Variants in TPRG1 observed in about 807,000 individuals in gnomAD.
TPRG1 encodes the protein tumor protein p63 regulated 1.
Under a neutral mutation model 29.3 loss-of-function variants are expected in TPRG1, and 29 were observed. That is an observed-to-expected ratio of 0.99 (90% CI 0.74 to 1.35). The LOEUF (loss-of-function observed/expected upper bound fraction) is 1.35. Ranked by LOEUF, TPRG1 falls within the 40% of genes most tolerant of loss-of-function variation. TPRG1 has a pLI of 0.00. For synonymous variants in TPRG1, 130 were observed against 116.8 expected (o/e 1.11, Z -0.73); for missense variants, 327 against 335.0 (o/e 0.98, Z 0.19).
chr3:189,046,956 A>T (rs919250461), intron 4 of TPRG1, among the ~76,000 whole-genome samples: 1 of 152,216 alleles, frequency 6.6e-6, no homozygotes, highest in African/African-American at 2.4e-5. Flanking sequence ...TTCTCACTGA[A>T]CGCAGAGGGG....
chr3:189,054,032 G>A (rs908689211), intron 4 of TPRG1, among the ~76,000 whole-genome samples: 1 of 152,056 alleles, frequency 6.6e-6, no homozygotes, highest in Non-Finnish European at 1.5e-5. Context: ...GGGGTAAGAC[G>A]CTCAGCTTTC....
At chr3:189,300,656 C>G (rs539005320) in intron 4 of TPRG1, among the ~76,000 whole-genome samples, 1 of 152,276 alleles carries the variant, frequency 6.6e-6, no homozygotes, top group South Asian at 2.1e-4. Context: ...CAGAGCTAGA[C>G]CAGATAAGCT....
At chr3:189,239,504 G>A (rs1005815187) in intron 4 of TPRG1, among the ~76,000 whole-genome samples, 4 of 152,118 alleles carry the variant, frequency 2.6e-5, no homozygotes, top group Non-Finnish European at 5.9e-5. Context: ...CTAATGTAAG[G>A]AAGAAAGAGC....
intron 4 of TPRG1, among the ~76,000 whole-genome samples, chr3:189,263,984 T>C (rs1713597030): frequency 6.6e-6 from 1 of 152,214 alleles, no homozygotes; most frequent in Admixed American, 6.5e-5. Flanking sequence ...TCATTAGCTC[T>C]GATCAAGAAT....
chr3:189,217,563 A>T (rs1431995265), intron 3 of TPRG1, among the ~76,000 whole-genome samples: 2 of 152,112 alleles, frequency 1.3e-5, no homozygotes, highest in African/African-American at 2.4e-5. Flanking sequence ...CCTCTTCCCC[A>T]TTAAAACCTA....
chr3:189,272,005 C>G (rs74588294), intron 4 of TPRG1, among the ~76,000 whole-genome samples: 2 of 152,126 alleles, frequency 1.3e-5, no homozygotes, highest in African/African-American at 4.8e-5. Context: ...CTTTCCTATA[C>G]GCGCTGATGC....
At chr3:189,231,265 C>CATATATATATATATATATATATAT (rs149177739) in intron 3 of TPRG1, among the ~76,000 whole-genome samples, 137 of 144,250 alleles carry the variant, frequency 9.5e-4, no homozygotes, top group African/African-American at 3.4e-3. Context: ...ACCTATAAAA[C>CATATATATATATATATATATATAT]ATATATATAT....
intron 4 of TPRG1, among the ~76,000 whole-genome samples, chr3:189,268,807 A>G (rs1181390766): frequency 6.6e-6 from 1 of 152,234 alleles, no homozygotes; most frequent in African/African-American, 2.4e-5. Context: ...TCTCCAAAAA[A>G]GAGCTGAATC....
At chr3:189,084,243 G>C (rs1319500915) in intron 4 of TPRG1, among the ~76,000 whole-genome samples, 1 of 152,114 alleles carries the variant, frequency 6.6e-6, no homozygotes, top group Non-Finnish European at 1.5e-5. Flanking sequence ...TTATAAATTA[G>C]ATATTCTAAT....
rs540081680 is a variant in TPRG1 at position 189,149,094 on chromosome 3, G to A, written c.-227+1447G>A. ...GTTCTAGATCTTTTTCTATCTCAGC[G>A]CTGTTCTCAAGATTCCATTTATGGT... On this transcript the variant is annotated intron_variant, in intron 4 of 6. Coordinates refer to the TPRG1 transcript ENST00000412373. 1.3e-4 allele frequency among the ~76,000 whole-genome samples: 20 copies of A among 152,204 alleles called. No individual in the cohort carries two copies. The South Asian group carries it at 4.2e-3, about 32-fold the overall frequency.
chr3:189,112,567 G>A (rs906842071), intron 1 of TPRG1, among the ~76,000 whole-genome samples: 2 of 152,170 alleles, frequency 1.3e-5, no homozygotes, highest in Admixed American at 1.3e-4. Context: ...GTGTAAGGAA[G>A]GGATCCAGTT....
At chr3:189,218,121 T>A (rs1269337741) in intron 3 of TPRG1, 17 of 627,552 alleles carry the variant, frequency 2.7e-5, no homozygotes, top group Non-Finnish European at 3.4e-5. Context: ...AGATTCTCTC[T>A]TTTTTTTTTG....
At chr3:189,120,017 A>G (rs546532749) in intron 1 of TPRG1, among the ~76,000 whole-genome samples, 51 of 152,316 alleles carry the variant, frequency 3.3e-4, no homozygotes, top group African/African-American at 1.1e-3. Context: ...AGTGTCTTGG[A>G]GACAAGTGGT....
intron 5 of TPRG1, among the ~76,000 whole-genome samples, chr3:189,317,487 C>T (rs766319036): frequency 1.2e-4 from 19 of 152,202 alleles, no homozygotes; most frequent in Non-Finnish European, 2.5e-4. Flanking sequence ...TGTATACAAA[C>T]ACTTTATTTC....
Position 189,281,061 on chromosome 3 carries a change from A to C in TPRG1, c.480-29325A>C, listed in dbSNP as rs984966427. On this transcript the variant is annotated intron_variant, in intron 4 of 5. Transcript: ENST00000345063. The stretch of plus-strand genomic sequence containing the variant: ...ATTCAGGCCCAATAACTGACATGTT[A>C]TAGGACTTGCCATCAACCAAATGCT... Among the ~76,000 whole-genome samples, 4 of 152,218 alleles carry C rather than the reference A, an allele frequency of 2.6e-5. 1 individual carries two copies. The highest frequency in any genetic ancestry group is 2.6e-4 in the Admixed American group (4 of 15,278).
At chr3:189,066,225 A>G (rs939948447) in intron 4 of TPRG1, among the ~76,000 whole-genome samples, 17 of 152,140 alleles carry the variant, frequency 1.1e-4, no homozygotes, top group African/African-American at 4.1e-4. Flanking sequence ...TCATTGCTGA[A>G]TTCTACCAAA....
chr3:189,256,387 C>T (rs985647719), intron 4 of TPRG1, among the ~76,000 whole-genome samples: 12 of 151,718 alleles, frequency 7.9e-5, no homozygotes, highest in East Asian at 5.8e-4. Context: ...TTATGATTTC[C>T]GCTCTTTTGC....
At chr3:189,117,226 A>C (rs1025170468) in intron 1 of TPRG1, among the ~76,000 whole-genome samples, 1 of 152,206 alleles carries the variant, frequency 6.6e-6, no homozygotes, top group Non-Finnish European at 1.5e-5. Flanking sequence ...GTAAGCATAT[A>C]TAAGGTGGCA....
chr3:189,228,865 A>G (rs1273427448), intron 3 of TPRG1, among the ~76,000 whole-genome samples: 1 of 152,214 alleles, frequency 6.6e-6, no homozygotes, highest in Non-Finnish European at 1.5e-5. Flanking sequence ...CTATTTAGAA[A>G]ATTATAAGGA....
Sources: allele counts gnomAD v4.1 joint callset (sites outside exome capture counted in the v4.1 genomes callset), GRCh38; gene constraint gnomAD v4.1.1; transcripts MANE v1.5; gene names NCBI Gene and HGNC (gene_info 2026-07-23, HGNC 2026-07-21).